C10orf71: variants seen among roughly 807,000 people sequenced by gnomAD.
The protein encoded by C10orf71 is chromosome 10 open reading frame 71, also known as cardiac-enriched FHL2-interacting protein.
For synonymous variants in C10orf71, 758 were observed against 726.3 expected (o/e 1.04, Z -0.70); for missense variants, 1,869 against 1,804.5 (o/e 1.04, Z -0.65).
In C10orf71 at chr10:49,324,141, T is replaced by C. The variant is rs1478586221; in HGVS notation, c.1596T>C (p.Asp532=). ...VLDEKTRGKV[D]GKQEPVSNGV... The stretch of plus-strand genomic sequence containing the variant: ...ATGAGAAAACTAGAGGTAAGGTTGA[T>C]GGAAAGCAAGAACCTGTGAGCAACG... The change falls in exon 3 of 3, where the codon GAT becomes GAC. Residue 532 remains aspartate (D), a synonymous_variant. Transcript: ENST00000374144. 6.2e-7 allele frequency: 1 copy of C among 1,613,964 alleles called. No homozygotes were observed. The highest frequency in any genetic ancestry group is 2.2e-5 in the East Asian group (1 of 44,878).
At position 49,324,054 on chromosome 10, in the gene C10orf71, C is replaced by T; in HGVS notation, c.1509C>T (p.Leu503=). Reference sequence around the variant, plus strand: ...AAGCCCCTAGCCTGCTGTTCAACCTCAAGGACGTGCGGAAGCGTGTTAAGA... The same window carrying T: ...AAGCCCCTAGCCTGCTGTTCAACCTTAAGGACGTGCGGAAGCGTGTTAAGA... The part of the protein sequence containing the change: ...KSKAPSLLFN[L]KDVRKRVKST... Residue 503 remains leucine (L), a synonymous_variant, in exon 3 of 3, where the codon CTC becomes CTT. Transcript: ENST00000374144. 1.2e-6 allele frequency: 2 copies of T among 1,613,900 alleles called. No individual in the cohort carries two copies. Among genetic ancestry groups the T allele is most frequent in the Non-Finnish European group, 1.7e-6 (2 of 1,179,854 alleles).
upstream of C10orf71, among the ~76,000 whole-genome samples, chr10:49,298,259 G>A (rs1051938148): frequency 1.3e-5 from 2 of 152,254 alleles, no homozygotes; most frequent in South Asian, 2.1e-4. Flanking sequence ...GCTGCACAGA[G>A]CAGGACACCC....
At chr10:49,315,409 TC>T (rs1309660804) in intron 1 of C10orf71, among the ~76,000 whole-genome samples, 2 of 152,214 alleles carry the variant, frequency 1.3e-5, no homozygotes, top group African/African-American at 4.8e-5. Context: ...GTCAGAAGAC[TC>T]AAGCCTCCTG....
At chr10:49,312,791 A>G (rs1158947452) in intron 1 of C10orf71, among the ~76,000 whole-genome samples, 1 of 152,128 alleles carries the variant, frequency 6.6e-6, no homozygotes, top group Admixed American at 6.5e-5. Context: ...ATCTCTTACC[A>G]TGGGGGGAAT....
rs1361840536 is a variant in C10orf71 at position 49,325,732 on chromosome 10, G to C, written c.3187G>C (p.Gly1063Arg). 1.3e-6 allele frequency: 2 copies of C among 1,551,174 alleles called. No homozygotes were observed. Among genetic ancestry groups the C allele is most frequent in the East Asian group, 2.4e-5 (1 of 40,910 alleles). Residue 1063 changes from glycine (G) to arginine (R), a missense_variant, in exon 3 of 3, where the codon GGG (glycine) becomes CGG (arginine). By Grantham distance (125) the Gly-to-Arg change is moderately radical. Transcript: ENST00000374144. ...GAATTCCCCCAACCCCGGCTCCCCC[G>C]GGGAGAGCAGTGCCTGCTCCCCTGC... ...RANSPNPGSP[G>R]ESSACSPAAS...
intron 1 of C10orf71, among the ~76,000 whole-genome samples, chr10:49,301,177 T>A (rs750171489): frequency 6.6e-6 from 1 of 152,266 alleles, no homozygotes; most frequent in East Asian, 1.9e-4. Flanking sequence ...TTTTACTCCA[T>A]ATGCCCTGGG....
chr10:49,310,424 C>T (rs989443604), intron 1 of C10orf71, among the ~76,000 whole-genome samples: 31 of 152,210 alleles, frequency 2.0e-4, no homozygotes, highest in African/African-American at 7.2e-4. Context: ...GCCAGAGGTT[C>T]AGGGTTTCCT....
intron 1 of C10orf71, among the ~76,000 whole-genome samples, chr10:49,308,576 G>A (rs1361175896): frequency 6.6e-6 from 1 of 152,182 alleles, no homozygotes; most frequent in Non-Finnish European, 1.5e-5. Context: ...AAGAGGCACT[G>A]CCCAGTGGAA....
chr10:49,297,233 C>T (rs1848654200), upstream of C10orf71, among the ~76,000 whole-genome samples: 1 of 152,216 alleles, frequency 6.6e-6, no homozygotes, highest in Non-Finnish European at 1.5e-5. Context: ...GCTTTCAGCT[C>T]ATGTTACTCA....
upstream of C10orf71, among the ~76,000 whole-genome samples, chr10:49,297,193 C>T (rs1193230025): frequency 6.6e-6 from 1 of 152,208 alleles, no homozygotes; most frequent in Admixed American, 6.5e-5. Context: ...GGGAGGAAAG[C>T]AAATTAGGAA....
chr10:49,297,784 C>A (rs1848661586), upstream of C10orf71, among the ~76,000 whole-genome samples: 1 of 152,200 alleles, frequency 6.6e-6, no homozygotes, highest in Non-Finnish European at 1.5e-5. Flanking sequence ...AAGTTGATGG[C>A]TTTTGTCTGA....
chr10:49,327,128 G>T lies in C10orf71; in HGVS notation c.*275G>T. On this transcript the variant is annotated 3_prime_UTR_variant, in exon 3 of 3. Coordinates refer to ENST00000374144, the MANE Select transcript of C10orf71 (RefSeq NM_001135196.2). ...CAGTTCCCAGGCGCACTCTACTCCA[G>T]CCCTTCTCCCTCCCTCCCTTCCTCC... 8.9e-7 allele frequency: 1 copy of T among 1,128,038 alleles called. No homozygotes were observed. Among genetic ancestry groups the T allele is most frequent in the Non-Finnish European group, 1.2e-6 (1 of 831,506 alleles). The allele number at this position is 1,128,038 out of a possible 1,614,324, so 69.9% of individuals were successfully genotyped here.
Position 49,324,329 on chromosome 10 carries a change from C to T in C10orf71, c.1784C>T (p.Pro595Leu), listed in dbSNP as rs754504230. The T allele has an allele frequency of 1.2e-5, 20 of 1,613,686 alleles. No homozygotes were observed. Among genetic ancestry groups the T allele is most frequent in the Non-Finnish European group, 1.6e-5 (19 of 1,179,870 alleles). ...AGCTATCTAACTCTTAGCACAGCTC[C>T]GACTATCGCCAAAGCCCCCTTCTAT... ...ADSYLTLSTA[P>L]TIAKAPFYVN... Residue 595 changes from proline to leucine, a missense_variant, in exon 3 of 3, where the codon CCG (proline) becomes CTG (leucine). Pro to Leu is a moderately conservative substitution (Grantham distance 98, BLOSUM62 -3). Transcript: ENST00000374144.
chr10:49,314,188 C>A (rs111821204), intron 1 of C10orf71, among the ~76,000 whole-genome samples: 1 of 151,938 alleles, frequency 6.6e-6, no homozygotes, highest in Non-Finnish European at 1.5e-5. Flanking sequence ...CATTAAAGGC[C>A]GAGTGAAATG....
chr10:49,311,770 C>T (rs1422378296), intron 1 of C10orf71, among the ~76,000 whole-genome samples: 1 of 152,192 alleles, frequency 6.6e-6, no homozygotes, highest in Non-Finnish European at 1.5e-5. Flanking sequence ...TAGTCCAGGA[C>T]ACATGGGTCC....
upstream of C10orf71, among the ~76,000 whole-genome samples, chr10:49,298,273 G>T (rs935464623): frequency 2.2e-4 from 34 of 152,208 alleles, no homozygotes; most frequent in African/African-American, 8.0e-4. Flanking sequence ...GACACCCAGC[G>T]GGGGCCAGTC....
rs1369022878 is a variant in C10orf71, at chr10:49,324,641, C to T, written c.2096C>T (p.Pro699Leu). The change falls in exon 3 of 3, where the codon CCA becomes CTA. Residue 699 changes from proline (P) to leucine (L), a missense_variant. Physicochemically the swap from Pro to Leu is moderately conservative, Grantham distance 98. Coordinates refer to ENST00000374144, the MANE Select transcript of C10orf71 (RefSeq NM_001135196.2). ...QNTHLNQKFF[P>L]GPLSPEEEDV... ...ACACATTTGAACCAGAAATTCTTCC[C>T]AGGGCCCCTCTCTCCTGAGGAGGAA... The T allele has an allele frequency of 3.1e-6, 5 of 1,613,662 alleles. No individual in the cohort carries two copies. The South Asian group carries it at 3.3e-5, about 11-fold the overall frequency.
Position 49,323,958 on chromosome 10 carries a change from C to T in C10orf71, c.1413C>T (p.Pro471=). ...DSQPAERTPS[P]PGQLNGYQEK... is the part of the protein sequence containing the mutation. ...AGCCAGCAGAGCGAACCCCATCACC[C>T]CCAGGACAGCTAAACGGATACCAAG... Residue 471 remains proline, a synonymous_variant, in exon 3 of 3, where the codon CCC becomes CCT. Coordinates refer to ENST00000374144, the MANE Select transcript of C10orf71 (RefSeq NM_001135196.2). 1 of 1,613,816 alleles carries T rather than the reference C, an allele frequency of 6.2e-7. No homozygotes were observed. Among genetic ancestry groups the T allele is most frequent in the Non-Finnish European group, 8.5e-7 (1 of 1,179,832 alleles).
rs777198549 is a variant in C10orf71 at position 49,323,597 on chromosome 10, G to T, written c.1052G>T (p.Cys351Phe). ...CTGTCCACATCTATACCCTGGGGGT[G>T]CAGGGATCCAGGAGCCCAGGTATTT... ...GALSTSIPWG[C>F]RDPGAQVFAV... The change falls in exon 3 of 3, where the codon TGC (cysteine) becomes TTC (phenylalanine). Residue 351 changes from cysteine to phenylalanine, a missense_variant. Cys to Phe is a radical substitution (Grantham distance 205, BLOSUM62 -2). Coordinates refer to ENST00000374144, the MANE Select transcript of C10orf71 (RefSeq NM_001135196.2). 2 of 1,601,342 alleles carry T rather than the reference G, an allele frequency of 1.2e-6. No individual in the cohort carries two copies. Among genetic ancestry groups the T allele is most frequent in the Non-Finnish European group, 1.7e-6 (2 of 1,175,214 alleles).
Sources: allele counts gnomAD v4.1 joint callset (sites outside exome capture counted in the v4.1 genomes callset), GRCh38; gene constraint gnomAD v4.1.1; transcripts MANE v1.5; gene names NCBI Gene and HGNC (gene_info 2026-07-23, HGNC 2026-07-21).